Variants in DNPEP observed in about 807,000 individuals in gnomAD.
The protein encoded by DNPEP is aspartyl aminopeptidase.
DNPEP carries 46 observed loss-of-function variants against 59.1 expected under a neutral mutation model. That is an observed-to-expected ratio of 0.78 (90% confidence interval 0.61 to 0.99). DNPEP has a LOEUF of 0.99. DNPEP is among the 50% of genes least tolerant of loss of function. The pLI is 0.00. For missense variants in DNPEP, 617 were observed against 649.9 expected, an observed-to-expected ratio of 0.95 and a Z score of 0.55; for synonymous variants, 229 against 242.2, an observed-to-expected ratio of 0.95 and a Z score of 0.50.
chr2:219,390,625 G>A (rs1358604138), upstream of DNPEP, among the ~76,000 whole-genome samples: 1 of 152,180 alleles, frequency 6.6e-6, no homozygotes, highest in East Asian at 1.9e-4. Context: ...GGAGGCAAAG[G>A]CGGGTGGATC....
At position 219,372,895 on chromosome 2, in the gene DNPEP, T is replaced by C. The variant is rs1348048326; in HGVS notation, c.*1397A>G. Reference sequence around the variant, plus strand: ...GCCATTGCTAAATTAAATTTATATGTATTGATATAGAAATATCTCTATATT... The same window carrying C: ...GCCATTGCTAAATTAAATTTATATGCATTGATATAGAAATATCTCTATATT... On this transcript the variant is annotated 3_prime_UTR_variant, in exon 15 of 15. Transcript: ENST00000273075. Among the ~76,000 whole-genome samples the C allele has an allele frequency of 6.6e-6, 1 of 152,220 alleles. No individual in the cohort carries two copies. The highest frequency in any genetic ancestry group is 1.5e-5 in the Non-Finnish European group (1 of 68,040).
intron 1 of DNPEP, 141 bp downstream of exon 1, chr2:219,387,618 G>A: frequency 4.5e-6 from 7 of 1,540,986 alleles, no homozygotes; most frequent in Non-Finnish European, 6.1e-6. Flanking sequence ...CGGGAAAGTC[G>A]TCAGGTCACC....
At chr2:219,383,106 A>C in intron 10 of DNPEP, 25 bp downstream of exon 10, 1 of 1,605,194 alleles carries the variant, frequency 6.2e-7, no homozygotes, top group Non-Finnish European at 8.5e-7. Context: ...CGCAGAGGTG[A>C]CCCTCCCCAG....
intron 11 of DNPEP, 45 bp downstream of exon 11, chr2:219,381,934 G>T: frequency 1.2e-6 from 2 of 1,605,128 alleles, no homozygotes; most frequent in Non-Finnish European, 1.7e-6. Context: ...TTATGCTTGG[G>T]TCTCCAGCTA....
chr2:219,397,326 AT>A (rs373944638), intron 1 of DNPEP, among the ~76,000 whole-genome samples: 3,037 of 148,170 alleles, frequency 0.02, 117 homozygotes, highest in African/African-American at 0.071. Flanking sequence ...AAATCAGGGC[AT>A]TTTTTTTTTC....
chr2:219,388,751 T>C (rs1299060255), upstream of DNPEP: 1 of 985,396 alleles, frequency 1.0e-6, no homozygotes, highest in Non-Finnish European at 1.2e-6. Flanking sequence ...ACAGCCACCT[T>C]TGTGACAATA....
intron 4 of DNPEP, 103 bp from the exon 5 acceptor site, chr2:219,386,514 G>T: frequency 6.5e-7 from 1 of 1,540,604 alleles, no homozygotes; most frequent in Non-Finnish European, 8.9e-7. Flanking sequence ...AGTGTCACAT[G>T]AAAGGCTCAA....
chr2:219,380,383 G>C (rs538799665), intron 13 of DNPEP, among the ~76,000 whole-genome samples: 2 of 151,778 alleles, frequency 1.3e-5, no homozygotes, highest in South Asian at 4.2e-4. Context: ...CACTCCGCCT[G>C]CCTAATTTTT....
rs2125132857 is a variant in DNPEP, at chr2:219,381,185, C to G, written c.1239+150G>C. The G allele has an allele frequency of 5.5e-6, 4 of 729,264 alleles. No individual in the cohort carries two copies. In the South Asian group the frequency reaches 6.5e-5, roughly 12 times the overall value. 45.2% of individuals were successfully genotyped at this position (729,264 alleles called of 1,614,324 possible). ...GCAGCAGAGCCAGCATGGAATCCAGCTGTATCCAAAATCCCTGCTTTTCTC... is the reference window on the plus strand; with the variant it reads ...GCAGCAGAGCCAGCATGGAATCCAGGTGTATCCAAAATCCCTGCTTTTCTC... On this transcript the variant is annotated intron_variant, in intron 13 of 14. Coordinates refer to ENST00000273075, the MANE Select transcript of DNPEP (RefSeq NM_012100.4).
At chr2:219,390,222 C>T (rs191155860), upstream of DNPEP, among the ~76,000 whole-genome samples, 2 of 152,272 alleles carry the variant, frequency 1.3e-5, no homozygotes, top group African/African-American at 4.8e-5. Flanking sequence ...TAGTCAGAGC[C>T]AGTACCACAA....
At chr2:219,386,867 T>TCCCCC in intron 3 of DNPEP, 25 bp downstream of exon 3, 2 of 1,608,570 alleles carry the variant, frequency 1.2e-6, no homozygotes, top group Non-Finnish European at 8.5e-7. Flanking sequence ...GACCTGCCTT[T>TCCCCC]CCACCCCCAC....
At chr2:219,374,714 T>C (rs1953297482) in intron 14 of DNPEP, 141 bp downstream of exon 14, 1 of 1,036,696 alleles carries the variant, frequency 9.6e-7, no homozygotes, top group Non-Finnish European at 1.4e-6. Flanking sequence ...GACCCTTGTT[T>C]TCCTACATGG....
chr2:219,392,604 G>A (rs530249375), upstream of DNPEP, among the ~76,000 whole-genome samples: 1 of 152,262 alleles, frequency 6.6e-6, no homozygotes, highest in South Asian at 2.1e-4. Context: ...CATTTCCTGG[G>A]TTCCAGAGAT....
At chr2:219,386,486 T>A (rs1040009) in intron 4 of DNPEP, 75 bp from the exon 5 acceptor site, 2 of 1,593,658 alleles carry the variant, frequency 1.3e-6, no homozygotes, top group South Asian at 2.2e-5. Context: ...TACTCATAAG[T>A]AACAGACAGC....
intron 13 of DNPEP, among the ~76,000 whole-genome samples, chr2:219,381,009 G>C (rs916619072): frequency 6.6e-6 from 1 of 152,180 alleles, no homozygotes; most frequent in African/African-American, 2.4e-5. Context: ...TGCAGGGAAA[G>C]ACAGGCCTAC....
intron 10 of DNPEP, among the ~76,000 whole-genome samples, chr2:219,382,542 A>T (rs764178322): frequency 1.2e-4 from 18 of 152,204 alleles, no homozygotes; most frequent in Non-Finnish European, 4.4e-5. Flanking sequence ...GCTCCCCTGC[A>T]GCTAAGTTCT....
intron 13 of DNPEP, among the ~76,000 whole-genome samples, chr2:219,380,504 G>T (rs1481844295): frequency 1.3e-5 from 2 of 152,124 alleles, no homozygotes; most frequent in Non-Finnish European, 2.9e-5. Context: ...TTACAGGTGT[G>T]AGCCAACACG....
At chr2:219,398,010 C>T (rs540612953) in intron 1 of DNPEP, among the ~76,000 whole-genome samples, 97 of 152,294 alleles carry the variant, frequency 6.4e-4, no homozygotes, top group African/African-American at 2.2e-3. Flanking sequence ...GTTAGGATTA[C>T]AGTTGTGAGC....
Position 219,387,751 on chromosome 2 carries a change from C to T in DNPEP, c.36+8G>A, listed in dbSNP as rs1293567021. On this transcript the variant is annotated splice_region_variant and intron_variant, in intron 1 of 14. Transcript: ENST00000273075. Reference sequence around the variant, plus strand: ...GAAATTCAAGTGGGGCCGTCGGGAGCCACTTACCTGCATGGCCCCGCGCGT... The same window carrying T: ...GAAATTCAAGTGGGGCCGTCGGGAGTCACTTACCTGCATGGCCCCGCGCGT... The T allele has an allele frequency of 1.2e-5, 20 of 1,608,118 alleles. No individual in the cohort carries two copies. Among genetic ancestry groups the T allele is most frequent in the Non-Finnish European group, 1.5e-5 (18 of 1,177,884 alleles).
Sources: allele counts gnomAD v4.1 joint callset (sites outside exome capture counted in the v4.1 genomes callset), GRCh38; gene constraint gnomAD v4.1.1; transcripts MANE v1.5; gene names NCBI Gene and HGNC (gene_info 2026-07-23, HGNC 2026-07-21).